The following FAR2 variants were observed in gnomAD, a reference collection of about 807,000 sequenced individuals.
The protein encoded by FAR2 is fatty acyl-CoA reductase 2.
In FAR2, 19 loss-of-function variants were observed where a neutral mutation model predicts 56.0. The ratio of observed to expected loss-of-function variants is 0.34; its 90% confidence interval spans 0.24 to 0.50. The LOEUF (loss-of-function observed/expected upper bound fraction) is 0.50. Ranked by LOEUF, FAR2 falls within the 20% of genes least tolerant of loss-of-function variation. The pLI, the probability that FAR2 is intolerant of heterozygous loss-of-function variation, is 0.98. For missense variants in FAR2, 508 were observed against 642.2 expected, an observed-to-expected ratio of 0.79 and a Z score of 2.26; for synonymous variants, 219 against 218.8, an observed-to-expected ratio of 1.00 and a Z score of -0.01.
intron 2 of FAR2, among the ~76,000 whole-genome samples, chr12:29,272,986 G>C (rs1453586275): frequency 6.6e-6 from 1 of 152,156 alleles, no homozygotes; most frequent in African/African-American, 2.4e-5. Flanking sequence ...ACTCAAAGAG[G>C]CTGGAGAGCA....
At chr12:29,316,201 T>C (rs1356968787) in intron 8 of FAR2, among the ~76,000 whole-genome samples, 3 of 152,162 alleles carry the variant, frequency 2.0e-5, no homozygotes, top group Non-Finnish European at 4.4e-5. Context: ...TGAATATCTT[T>C]TGGAAACAAC....
At chr12:29,157,599 C>T (rs576536450) in intron 1 of FAR2, among the ~76,000 whole-genome samples, 2 of 152,222 alleles carry the variant, frequency 1.3e-5, no homozygotes, top group East Asian at 3.9e-4. Flanking sequence ...ACAGGATGAC[C>T]ATAGGAGGCA....
intron 1 of FAR2, among the ~76,000 whole-genome samples, chr12:29,173,973 G>C (rs572159334): frequency 6.6e-6 from 1 of 152,162 alleles, no homozygotes; most frequent in Non-Finnish European, 1.5e-5. Flanking sequence ...GTCAGATTTA[G>C]TGGCCCTTAC....
chr12:29,262,071 A>G (rs958612656), intron 1 of FAR2, among the ~76,000 whole-genome samples: 1 of 152,254 alleles, frequency 6.6e-6, no homozygotes, highest in African/African-American at 2.4e-5. Context: ...GAAAGACTAA[A>G]TGATGAACCA....
At chr12:29,310,432 C>T (rs1345350645) in intron 6 of FAR2, among the ~76,000 whole-genome samples, 1 of 152,060 alleles carries the variant, frequency 6.6e-6, no homozygotes, top group East Asian at 1.9e-4. Context: ...ATCTATATAA[C>T]ATCAGTGATC....
chr12:29,192,921 T>C (rs1306175489), intron 1 of FAR2, among the ~76,000 whole-genome samples: 1 of 152,226 alleles, frequency 6.6e-6, no homozygotes, highest in East Asian at 1.9e-4. Flanking sequence ...TGTATTTATA[T>C]ACAAATGTGT....
intron 2 of FAR2, among the ~76,000 whole-genome samples, chr12:29,275,758 T>C (rs1948698624): frequency 6.6e-6 from 1 of 152,238 alleles, no homozygotes; most frequent in Non-Finnish European, 1.5e-5. Flanking sequence ...CAGAGAGTCT[T>C]GTGGTCAACC....
At chr12:29,153,261 G>A (rs1000530379) in intron 1 of FAR2, among the ~76,000 whole-genome samples, 1 of 152,194 alleles carries the variant, frequency 6.6e-6, no homozygotes, top group Non-Finnish European at 1.5e-5. Context: ...CTCCGTTTTG[G>A]TGTTCTGAGA....
At chr12:29,258,960 T>C (rs560178255) in intron 1 of FAR2, among the ~76,000 whole-genome samples, 2 of 152,314 alleles carry the variant, frequency 1.3e-5, no homozygotes, top group South Asian at 4.1e-4. Flanking sequence ...ATTATCAAGA[T>C]TTTCCATACG....
intron 2 of FAR2, among the ~76,000 whole-genome samples, chr12:29,285,587 G>GA (rs981542087): frequency 7.2e-5 from 11 of 151,752 alleles, no homozygotes; most frequent in Non-Finnish European, 1.6e-4. Context: ...AGGAAGGAAG[G>GA]AAAAAAATCT....
chr12:29,193,753 G>A (rs916992600), intron 1 of FAR2, among the ~76,000 whole-genome samples: 3 of 152,134 alleles, frequency 2.0e-5, no homozygotes, highest in Non-Finnish European at 4.4e-5. Flanking sequence ...CACCTCTTTT[G>A]GGTAAATACC....
chr12:29,300,340 C>A (rs1379448921), intron 4 of FAR2, among the ~76,000 whole-genome samples: 1 of 152,130 alleles, frequency 6.6e-6, no homozygotes, highest in Non-Finnish European at 1.5e-5. Context: ...AACCCAGCAA[C>A]CCCTCACCAA....
intron 1 of FAR2, among the ~76,000 whole-genome samples, chr12:29,201,891 C>T (rs1231940580): frequency 6.6e-6 from 1 of 152,192 alleles, no homozygotes; most frequent in Non-Finnish European, 1.5e-5. Flanking sequence ...TCCACCACTA[C>T]AGAAAGTTTT....
chr12:29,242,909 G>T (rs777125240), intron 1 of FAR2, among the ~76,000 whole-genome samples: 5 of 152,146 alleles, frequency 3.3e-5, no homozygotes, highest in Admixed American at 6.5e-5. Flanking sequence ...TGTAAAAATG[G>T]GTATAATAGT....
intron 2 of FAR2, among the ~76,000 whole-genome samples, chr12:29,285,611 TAA>T (rs1294220634): frequency 2.0e-5 from 3 of 152,056 alleles, no homozygotes. Flanking sequence ...CCAATCACAT[TAA>T]GTCTTTTTCT....
In FAR2 at chr12:29,243,061, T is replaced by C. The variant is rs1591884222; in HGVS notation, c.-38-27351T>C. Among the ~76,000 whole-genome samples the C allele has an allele frequency of 2.6e-5, 4 of 152,268 alleles. No individual in the cohort carries two copies. The East Asian group carries it at 5.8e-4, about 22-fold the overall frequency. On this transcript the variant is annotated intron_variant, in intron 1 of 11. Transcript: ENST00000536681. Reference sequence around the variant, plus strand: ...CACGCAGGAGAGTGGGAAAGCATTATAGTGGAAAACGGGAAGGCTTCAGCT... The same window carrying C: ...CACGCAGGAGAGTGGGAAAGCATTACAGTGGAAAACGGGAAGGCTTCAGCT...
chr12:29,179,343 G>T (rs1354780318), intron 1 of FAR2, among the ~76,000 whole-genome samples: 1 of 152,128 alleles, frequency 6.6e-6, no homozygotes, highest in African/African-American at 2.4e-5. Context: ...TATGTAGCAG[G>T]CTTCTCCTGT....
At chr12:29,160,527 G>A (rs1049813366) in intron 1 of FAR2, among the ~76,000 whole-genome samples, 4 of 152,188 alleles carry the variant, frequency 2.6e-5, no homozygotes, top group African/African-American at 9.7e-5. Context: ...TGTATTCAAA[G>A]GCAAGTTACT....
chr12:29,328,707 A>G (rs999755871), intron 10 of FAR2, among the ~76,000 whole-genome samples: 1 of 137,150 alleles, frequency 7.3e-6, no homozygotes, highest in African/African-American at 2.7e-5. Flanking sequence ...ACACATGGAC[A>G]CAGGAAGGGG....
Sources: allele counts gnomAD v4.1 joint callset (sites outside exome capture counted in the v4.1 genomes callset), GRCh38; gene constraint gnomAD v4.1.1; transcripts MANE v1.5; gene names NCBI Gene and HGNC (gene_info 2026-07-23, HGNC 2026-07-21).